PVT1: variants seen among roughly 807,000 people sequenced by gnomAD.
The protein encoded by PVT1 is Pvt1 oncogene, also known as CXCR4/PVT1 fusion.
Position 128,095,852 on chromosome 8 carries a change from T to A in PVT1, n.1115-666T>A, listed in dbSNP as rs569834756. Among the ~76,000 whole-genome samples the A allele has an allele frequency of 9.8e-5, 15 of 152,374 alleles. No homozygotes were observed. The East Asian group carries it at 2.7e-3, about 27-fold the overall frequency. On this transcript the variant is annotated intron_variant and non_coding_transcript_variant, in intron 5 of 10. Coordinates refer to ENST00000651587, the Ensembl canonical transcript of PVT1. Reference sequence around the variant, plus strand: ...CTCGATGCCCTTTCTAAGATACTTATGGAGACTTTTCTTTTCCACTCCAAT... The same window carrying A: ...CTCGATGCCCTTTCTAAGATACTTAAGGAGACTTTTCTTTTCCACTCCAAT...
chr8:127,884,806 G>A (rs541750521), intron 2 of PVT1, among the ~76,000 whole-genome samples: 8 of 152,324 alleles, frequency 5.3e-5, no homozygotes, highest in South Asian at 2.1e-4. Context: ...TTTTGCAGGC[G>A]GAGGGCGAGG....
At chr8:127,957,561 C>T (rs548443300) in intron 3 of PVT1, among the ~76,000 whole-genome samples, 68 of 116,898 alleles carry the variant, frequency 5.8e-4, no homozygotes, top group African/African-American at 1.9e-3. Context: ...AGCGAGACTC[C>T]GTCTCAAAAA....
At chr8:128,096,412 T>A (rs773431456) in intron 5 of PVT1, 5 of 152,170 alleles carry the variant, frequency 3.3e-5, no homozygotes, top group Non-Finnish European at 7.3e-5. Flanking sequence ...ACGTCCTCAT[T>A]TGAAGGGGGC....
chr8:127,934,830 A>G (rs946662272), intron 3 of PVT1, among the ~76,000 whole-genome samples: 6 of 152,222 alleles, frequency 3.9e-5, no homozygotes, highest in African/African-American at 1.2e-4. Flanking sequence ...GACTGATCAA[A>G]TTTGGTAATT....
intron 4 of PVT1, among the ~76,000 whole-genome samples, chr8:128,017,417 A>G (rs1817386165): frequency 1.3e-5 from 2 of 152,212 alleles, no homozygotes; most frequent in Admixed American, 1.3e-4. Flanking sequence ...ACACAACTAC[A>G]TGGCCAGCTG....
At chr8:127,794,918 T>G (rs11778609) in intron 1 of PVT1, among the ~76,000 whole-genome samples, 151,746 of 151,826 alleles carry the variant, frequency 1, 75,833 homozygotes, top group Middle Eastern at 1. Context: ...TTGGGGAGGG[T>G]GAGGGGAGGG....
intron 2 of PVT1, among the ~76,000 whole-genome samples, chr8:127,882,163 C>T (rs993929616): frequency 2.6e-5 from 4 of 152,208 alleles, no homozygotes; most frequent in African/African-American, 9.6e-5. Context: ...CTCCCATCCC[C>T]CCTCCCCTGA....
intron 3 of PVT1, among the ~76,000 whole-genome samples, chr8:127,980,791 C>CTTTTTTTTTTTTTTTTTT (rs11361552): frequency 1.7e-5 from 2 of 120,416 alleles, no homozygotes; most frequent in African/African-American, 3.1e-5. Context: ...ACTACAGCTT[C>CTTTTTTTTTTTTTTTTTT]TTTTTTTTTT....
intron 4 of PVT1, among the ~76,000 whole-genome samples, chr8:127,990,909 C>T (rs186593155): frequency 2.0e-5 from 3 of 152,278 alleles, no homozygotes; most frequent in Admixed American, 2.0e-4. Context: ...GCAGGTGCTG[C>T]CTCTCGTGAC....
chr8:127,824,128 C>T (rs1814762075), intron 2 of PVT1, among the ~76,000 whole-genome samples: 1 of 152,160 alleles, frequency 6.6e-6, no homozygotes, highest in Non-Finnish European at 1.5e-5. Flanking sequence ...CTGCAGTGAG[C>T]TGTAATTGCA....
At chr8:127,860,437 T>C (rs1815210360) in intron 2 of PVT1, among the ~76,000 whole-genome samples, 1 of 152,062 alleles carries the variant, frequency 6.6e-6, no homozygotes, top group African/African-American at 2.4e-5. Flanking sequence ...GGAGATTCAC[T>C]AGGTTGATGC....
At chr8:127,838,766 T>C (rs1814936517) in intron 2 of PVT1, among the ~76,000 whole-genome samples, 1 of 152,348 alleles carries the variant, frequency 6.6e-6, no homozygotes, top group East Asian at 1.9e-4. Flanking sequence ...TGCCAGACAC[T>C]ATTCTAGGTG....
chr8:127,841,541 G>A (rs901230246), intron 2 of PVT1, among the ~76,000 whole-genome samples: 4 of 152,122 alleles, frequency 2.6e-5, no homozygotes, highest in Admixed American at 1.3e-4. Context: ...GATTATAGGC[G>A]TGAGCCACCA....
intron 2 of PVT1, among the ~76,000 whole-genome samples, chr8:127,836,631 T>C (rs1814911626): frequency 1.3e-5 from 2 of 152,144 alleles, no homozygotes; most frequent in South Asian, 4.2e-4. Context: ...CTCTGACTGC[T>C]AATAATAAAA....
At position 127,998,818 on chromosome 8, in the gene PVT1, C is replaced by CCCTTCCTTCCTT. The variant is rs3041894; in HGVS notation, n.912+9546_912+9557dup. Among the ~76,000 whole-genome samples the CCCTTCCTTCCTT allele has an allele frequency of 1.8e-3, 214 of 120,690 alleles. 3 individuals are homozygous for CCCTTCCTTCCTT. The highest frequency in any genetic ancestry group is 6.3e-3 in the African/African-American group (187 of 29,882). 79.2% of individuals were successfully genotyped at this position (120,690 alleles called of 152,430 possible). ...TTTCCTCCTTCCTCTTCTCCTCCTCCCCTTCCTTCCTTCCTTCCTTCCTTC... is the reference window on the plus strand; with the variant it reads ...TTTCCTCCTTCCTCTTCTCCTCCTCCCCTTCCTTCCTTCCTTCCTTCCTTCCTTCCTTCCTTC... On this transcript the variant is annotated intron_variant and non_coding_transcript_variant, in intron 4 of 10. Coordinates refer to ENST00000651587, the Ensembl canonical transcript of PVT1.
intron 3 of PVT1, among the ~76,000 whole-genome samples, chr8:127,903,608 T>C (rs1815785370): frequency 6.6e-6 from 1 of 152,218 alleles, no homozygotes. Context: ...TGTGTGGTGA[T>C]AAATAGGGAT....
intron 3 of PVT1, among the ~76,000 whole-genome samples, chr8:127,968,117 T>C (rs752429): frequency 0.56 from 85,431 of 152,040 alleles, 24,732 homozygotes; most frequent in South Asian, 0.76. Context: ...ACAGATTGCA[T>C]AGGGTTTTCC....
chr8:128,057,200 T>C (rs919655541), intron 4 of PVT1, among the ~76,000 whole-genome samples: 12 of 152,310 alleles, frequency 7.9e-5, no homozygotes, highest in African/African-American at 2.9e-4. Context: ...GCCTTCCCAC[T>C]AAGAAAATTA....
chr8:127,911,082 T>C (rs1815891738), intron 3 of PVT1, among the ~76,000 whole-genome samples: 1 of 152,170 alleles, frequency 6.6e-6, no homozygotes, highest in Admixed American at 6.5e-5. Context: ...TCCCAGAACC[T>C]GAGGCAGGCT....
Sources: gnomAD v4.1 joint callset for allele counts (sites outside exome capture counted in the v4.1 genomes callset) on GRCh38, gnomAD v4.1.1 for gene constraint, MANE v1.5 for transcripts, NCBI Gene and HGNC (gene_info 2026-07-23, HGNC 2026-07-21) for gene names.